Variants in ATF2 observed in about 807,000 individuals in gnomAD.
The protein encoded by ATF2 is cyclic AMP-dependent transcription factor ATF-2.
In ATF2, 24 loss-of-function variants were observed where a neutral mutation model predicts 60.6. That is an observed-to-expected ratio of 0.40 (90% CI 0.29 to 0.56). The LOEUF (loss-of-function observed/expected upper bound fraction) is 0.56. ATF2 is among the 20% of genes least tolerant of loss of function. The probability of loss-of-function intolerance (pLI) is 0.54; values close to 1 mark genes in which losing one functional copy is unlikely to be tolerated. For missense variants in ATF2, 433 were observed against 607.7 expected, an observed-to-expected ratio of 0.71 and a Z score of 3.02; for synonymous variants, 206 against 215.4, an observed-to-expected ratio of 0.96 and a Z score of 0.38.
At chr2:175,092,683 TG>T in intron 12 of ATF2, 2 of 396,348 alleles carry the variant, frequency 5.0e-6, no homozygotes, top group Non-Finnish European at 9.8e-6. Context: ...AAATAAAAAC[TG>T]CTACTGAAGA....
At chr2:175,124,060 A>G (rs1478238295) in intron 4 of ATF2, among the ~76,000 whole-genome samples, 1 of 127,746 alleles carries the variant, frequency 7.8e-6, no homozygotes, top group African/African-American at 2.9e-5. Flanking sequence ...TACAGAATCT[A>G]TATGAAATGT....
rs113789208 is a variant in ATF2, at chr2:175,125,333, C to T, written c.103-3793G>A. ...CATTTCTGTTCTCAGCAAGATTTAA[C>T]AAATGGATGAGTAGCCAGGTTATAT... On this transcript the variant is annotated intron_variant, in intron 4 of 13. Coordinates refer to ENST00000264110, the MANE Select transcript of ATF2 (RefSeq NM_001880.4). Among the ~76,000 whole-genome samples the T allele has an allele frequency of 2.6e-3, 400 of 152,096 alleles. 7 individuals are homozygous for T. The highest frequency in any genetic ancestry group is 9.4e-3 in the African/African-American group (389 of 41,530).
At chr2:175,080,393 TTACAG>T (rs1338203194) in intron 13 of ATF2, 1 of 234,666 alleles carries the variant, frequency 4.3e-6, no homozygotes, top group African/African-American at 2.2e-5. Context: ...CATCAAGTAC[TTACAG>T]TATATTTTAA....
intron 12 of ATF2, among the ~76,000 whole-genome samples, chr2:175,090,205 C>T (rs1233300908): frequency 6.6e-6 from 1 of 152,108 alleles, no homozygotes. Context: ...AATATGCCAT[C>T]TCTCTCTATG....
In ATF2 at chr2:175,093,218, C is replaced by G. The variant is rs778431198; in HGVS notation, c.1028G>C (p.Arg343Pro). 2 of 1,614,030 alleles carry G rather than the reference C, an allele frequency of 1.2e-6. No homozygotes were observed. Among genetic ancestry groups the G allele is most frequent in the Admixed American group, 1.7e-5 (1 of 59,998 alleles). ...TPQTQSTSGR[R>P]RRAANEDPDE... is the part of the protein sequence containing the mutation. ...AGGATCTTCGTTAGCTGCTCTTCTC[C>G]GACGACCACTTGTACTTTGGGTCTG... The change falls in exon 12 of 14, where the codon CGG becomes CCG. Residue 343 changes from arginine (R) to proline (P), a missense_variant. By Grantham distance (103) the Arg-to-Pro change is moderately radical (BLOSUM62 -2). Transcript: ENST00000264110.
chr2:175,128,000 A>C (rs1047260445), intron 4 of ATF2, among the ~76,000 whole-genome samples: 5 of 152,160 alleles, frequency 3.3e-5, no homozygotes, highest in African/African-American at 4.8e-5. Context: ...TGGAACACTA[A>C]CTGTAAAGCT....
At chr2:175,085,375 A>C (rs113166672) in intron 12 of ATF2, among the ~76,000 whole-genome samples, 7 of 152,128 alleles carry the variant, frequency 4.6e-5, no homozygotes, top group African/African-American at 1.7e-4. Flanking sequence ...TCTCTACTAA[A>C]AATATAAGAA....
chr2:175,080,735 C>T lies in ATF2; in HGVS notation c.1216G>A (p.Ala406Thr), dbSNP rs1366657017. 13 of 1,612,782 alleles carry T rather than the reference C, an allele frequency of 8.1e-6. No individual in the cohort carries two copies. The Admixed American group carries it at 2.2e-4, about 27-fold the overall frequency. Residue 406 changes from alanine to threonine, a missense_variant, in exon 13 of 14, where the codon GCA becomes ACA. By Grantham distance (58) the Ala-to-Thr change is moderately conservative (BLOSUM62 0). Coordinates refer to ENST00000264110, the MANE Select transcript of ATF2 (RefSeq NM_001880.4). ...SEVTLLRNEV[A>T]QLKQLLLAHK... ...GCCAGAAGAAGCTGTTTCAGCTGTG[C>T]CACTTCATTTCTCAGCAGGGTGACT...
intron 12 of ATF2, among the ~76,000 whole-genome samples, chr2:175,084,551 G>A (rs1212231118): frequency 1.4e-5 from 2 of 146,586 alleles, no homozygotes; most frequent in African/African-American, 2.5e-5. Flanking sequence ...GCTAAATGAC[G>A]AGTTAATGGG....
intron 1 of ATF2, among the ~76,000 whole-genome samples, chr2:175,153,568 G>A (rs1699449451): frequency 1.3e-5 from 2 of 152,026 alleles, no homozygotes; most frequent in Non-Finnish European, 2.9e-5. Context: ...ACACCCTCAC[G>A]CCCGTAATCA....
intron 5 of ATF2, among the ~76,000 whole-genome samples, chr2:175,119,681 C>T (rs1309297202): frequency 3.3e-5 from 5 of 151,516 alleles, no homozygotes; most frequent in African/African-American, 1.2e-4. Flanking sequence ...TCTCAAAAAT[C>T]ACATTACAGT....
At chr2:175,141,008 A>T (rs1698472417) in intron 2 of ATF2, among the ~76,000 whole-genome samples, 1 of 81,836 alleles carries the variant, frequency 1.2e-5, no homozygotes, top group Non-Finnish European at 2.3e-5. Context: ...GGAAAAAAAA[A>T]AAAAAAAAAA....
At chr2:175,122,444 T>G (rs1374842140) in intron 4 of ATF2, among the ~76,000 whole-genome samples, 1 of 152,026 alleles carries the variant, frequency 6.6e-6, no homozygotes, top group Admixed American at 6.6e-5. Flanking sequence ...CAAGTGAGGA[T>G]GTTAAAATAT....
At chr2:175,091,849 T>C (rs1387705102) in intron 12 of ATF2, among the ~76,000 whole-genome samples, 1 of 152,112 alleles carries the variant, frequency 6.6e-6, no homozygotes, top group Non-Finnish European at 1.5e-5. Context: ...GGTGATAGAG[T>C]GAGACTCCGT....
At chr2:175,102,202 T>C (rs1695359053) in intron 10 of ATF2, among the ~76,000 whole-genome samples, 1 of 152,208 alleles carries the variant, frequency 6.6e-6, no homozygotes, top group Admixed American at 6.5e-5. Flanking sequence ...TCCAAAAAAC[T>C]GAAGTTACTT....
chr2:175,155,083 G>T (rs1699589342), intron 1 of ATF2, among the ~76,000 whole-genome samples: 1 of 152,122 alleles, frequency 6.6e-6, no homozygotes, highest in South Asian at 2.1e-4. Flanking sequence ...ATTACTAAAG[G>T]TACACACTAA....
At chr2:175,109,191 A>AAAAAAAAAAAAAAAAAAAAAAAAAAT (rs1695996617) in intron 10 of ATF2, among the ~76,000 whole-genome samples, 1 of 149,922 alleles carries the variant, frequency 6.7e-6, no homozygotes. Context: ...AAAAAAAAAA[A>AAAAAAAAAAAAAAAAAAAAAAAAAAT]AAGACTGTGT....
intron 12 of ATF2, among the ~76,000 whole-genome samples, chr2:175,083,322 G>A (rs1693900512): frequency 6.6e-6 from 1 of 152,118 alleles, no homozygotes; most frequent in Non-Finnish European, 1.5e-5. Flanking sequence ...GAACAGAATA[G>A]AGCCCTCAGA....
intron 10 of ATF2, among the ~76,000 whole-genome samples, chr2:175,098,918 T>C (rs1189894924): frequency 6.6e-6 from 1 of 152,186 alleles, no homozygotes; most frequent in Non-Finnish European, 1.5e-5. Context: ...CACCGGAATT[T>C]CAACTGAGGC....
Sources: gnomAD v4.1 joint callset for allele counts (sites outside exome capture counted in the v4.1 genomes callset) on GRCh38, gnomAD v4.1.1 for gene constraint, MANE v1.5 for transcripts, NCBI Gene and HGNC (gene_info 2026-07-23, HGNC 2026-07-21) for gene names.